Variants in MYOM2 observed in about 807,000 individuals in gnomAD.
The protein encoded by MYOM2 is myomesin-2.
Under a neutral mutation model 187.6 loss-of-function variants are expected in MYOM2, and 254 were observed. The observed-to-expected ratio is 1.35, with a 90% confidence interval of 1.22 to 1.50. MYOM2 has a LOEUF of 1.50. MYOM2 is among the 40% of genes most tolerant of loss of function. The pLI is 0.00. For missense variants in MYOM2, 2,796 were observed against 1,924.0 expected (o/e 1.45, Z -8.48); for synonymous variants, 981 against 753.8 (o/e 1.30, Z -4.94).
At chr8:2,088,699 T>C (rs13269383) in intron 14 of MYOM2, among the ~76,000 whole-genome samples, 130,148 of 152,250 alleles carry the variant, frequency 0.85, 55,762 homozygotes, top group South Asian at 0.92. Context: ...TGTCTTTACT[T>C]TTGAGAACAG....
chr8:2,046,651 C>A (rs931916917), intron 1 of MYOM2, among the ~76,000 whole-genome samples: 3 of 152,166 alleles, frequency 2.0e-5, no homozygotes, highest in African/African-American at 7.2e-5. Context: ...CAGGTCCCCA[C>A]TGGAGTCTCA....
chr8:2,143,875 C>A (rs1798364668), intron 36 of MYOM2, among the ~76,000 whole-genome samples: 1 of 152,046 alleles, frequency 6.6e-6, no homozygotes, highest in African/African-American at 2.4e-5. Flanking sequence ...ACAGCTTTTA[C>A]AACACGAAGG....
intron 1 of MYOM2, among the ~76,000 whole-genome samples, chr8:2,050,457 C>G (rs532108711): frequency 6.6e-6 from 1 of 152,274 alleles, no homozygotes; most frequent in African/African-American, 2.4e-5. Flanking sequence ...TGAACTTTGC[C>G]CTGAACACAC....
chr8:2,059,323 T>TA, intron 6 of MYOM2, 78 bp downstream of exon 6: 1 of 1,311,324 alleles, frequency 7.6e-7, no homozygotes, highest in Non-Finnish European at 1.1e-6. Context: ...GTCAGATGGG[T>TA]AACTGGAGGC....
chr8:2,101,498 G>T (rs1463549856), intron 20 of MYOM2, among the ~76,000 whole-genome samples: 1 of 152,256 alleles, frequency 6.6e-6, no homozygotes, highest in East Asian at 1.9e-4. Context: ...CTGTTCAGAT[G>T]ACCGGGGCGT....
At chr8:2,081,926 G>C (rs1400783019) in intron 13 of MYOM2, 2 of 152,396 alleles carry the variant, frequency 1.3e-5, no homozygotes, top group East Asian at 1.9e-4. Context: ...CAGCAAGGCA[G>C]GTTTCTGGCT....
chr8:2,128,721 C>T lies in MYOM2; in HGVS notation c.3695-406C>T, dbSNP rs59459251. On this transcript the variant is annotated intron_variant, in intron 31 of 36. Coordinates refer to ENST00000262113, the MANE Select transcript of MYOM2 (RefSeq NM_003970.4). ...GTGCTCCCATCTGCTTGACTCCCAC[C>T]TGAAAGAGTCCTGCTAAATCTTAAC... 9.5e-3 allele frequency among the ~76,000 whole-genome samples: 1,440 copies of T among 152,306 alleles called. 24 individuals are homozygous for T. Among genetic ancestry groups the T allele is most frequent in the African/African-American group, 0.033 (1,369 of 41,558 alleles).
intron 1 of MYOM2, among the ~76,000 whole-genome samples, chr8:2,049,039 C>T (rs1169305688): frequency 6.6e-6 from 1 of 152,110 alleles, no homozygotes; most frequent in Non-Finnish European, 1.5e-5. Context: ...GATCCACCCG[C>T]CTTGGCCTCC....
At chr8:2,102,809 C>T in intron 21 of MYOM2, 28 bp downstream of exon 21, 1 of 1,550,524 alleles carries the variant, frequency 6.4e-7, no homozygotes, top group Non-Finnish European at 8.9e-7. Context: ...AACTACAAAA[C>T]AGCAATGATT....
intron 28 of MYOM2, among the ~76,000 whole-genome samples, chr8:2,120,224 A>C (rs1007186205): frequency 6.6e-6 from 1 of 152,090 alleles, no homozygotes; most frequent in African/African-American, 2.4e-5. Context: ...AGTTGCAAGA[A>C]GGGAAGATGG....
rs530334624 is a variant in MYOM2 at position 2,073,220 on chromosome 8, T to C, written c.959-119T>C. On this transcript the variant is annotated intron_variant, in intron 9 of 36. Coordinates refer to ENST00000262113, the MANE Select transcript of MYOM2 (RefSeq NM_003970.4). ...ATTTTACCAGGCTGAGGCTCTGCCT[T>C]CCGTGGTGTCCAGCTCGACTGTCCT... 1,210 of 1,115,476 alleles carry C rather than the reference T, an allele frequency of 1.1e-3. 4 individuals carry two copies. Among genetic ancestry groups the C allele is most frequent in the Middle Eastern group, 2.1e-3 (9 of 4,190 alleles). 69.1% of individuals were successfully genotyped at this position (1,115,476 alleles called of 1,614,324 possible).
At chr8:2,071,127 C>A (rs907472643) in intron 8 of MYOM2, among the ~76,000 whole-genome samples, 2 of 151,974 alleles carry the variant, frequency 1.3e-5, no homozygotes, top group Admixed American at 6.6e-5. Flanking sequence ...GTCACCAAAC[C>A]CGGCTCGTTT....
At chr8:2,086,393 T>A (rs1408663561) in intron 14 of MYOM2, among the ~76,000 whole-genome samples, 801 of 34,408 alleles carry the variant, frequency 0.023, 337 homozygotes, top group African/African-American at 0.074. Context: ...GGCCTCCCAC[T>A]GTTGTGATCT....
Position 2,108,820 on chromosome 8 carries a change from A to G in MYOM2, c.3033A>G (p.Ile1011Met), listed in dbSNP as rs1796976390. 6.2e-7 allele frequency: 1 copy of G among 1,613,970 alleles called. No individual in the cohort carries two copies. Among genetic ancestry groups the G allele is most frequent in the South Asian group, 1.1e-5 (1 of 91,020 alleles). Residue 1011 changes from isoleucine (I) to methionine (M), a missense_variant, in exon 24 of 37, where the codon ATA becomes ATG. Physicochemically the swap from Ile to Met is conservative, Grantham distance 10. Coordinates refer to ENST00000262113, the MANE Select transcript of MYOM2 (RefSeq NM_003970.4). ...LERLMALSNE[I>M]KNPTIPLKSE... is the part of the protein sequence containing the mutation. ...GTTTGATGGCATTGAGCAATGAAAT[A>G]AAGAACCCCAGTAAGTAAGCCTCCA...
chr8:2,104,948 T>A (rs1796842553), intron 21 of MYOM2, among the ~76,000 whole-genome samples: 1 of 152,206 alleles, frequency 6.6e-6, no homozygotes, highest in Non-Finnish European at 1.5e-5. Context: ...ATTTTTATTA[T>A]TCTGTTTTTT....
intron 10 of MYOM2, among the ~76,000 whole-genome samples, chr8:2,073,990 G>A (rs1013830426): frequency 6.6e-5 from 10 of 152,120 alleles, no homozygotes; most frequent in African/African-American, 1.4e-4. Context: ...AGTGAAACTC[G>A]TGCTTAAGAC....
At chr8:2,113,961 G>T (rs1797152315) in intron 25 of MYOM2, among the ~76,000 whole-genome samples, 1 of 152,242 alleles carries the variant, frequency 6.6e-6, no homozygotes, top group Admixed American at 6.5e-5. Flanking sequence ...TGGCGAGACA[G>T]ACAGACGGCA....
chr8:2,108,813 A>G lies in MYOM2; in HGVS notation c.3026A>G (p.Asn1009Ser). Reference sequence around the variant, plus strand: ...CTCGAGCGTTTGATGGCATTGAGCAATGAAATAAAGAACCCCAGTAAGTAA... The same window carrying G: ...CTCGAGCGTTTGATGGCATTGAGCAGTGAAATAAAGAACCCCAGTAAGTAA... ...EELERLMALS[N>S]EIKNPTIPLK... is the part of the protein sequence containing the mutation. The change falls in exon 24 of 37, where the codon AAT becomes AGT. Residue 1009 changes from asparagine to serine, a missense_variant. Coordinates refer to ENST00000262113, the MANE Select transcript of MYOM2 (RefSeq NM_003970.4). 1 of 1,613,928 alleles carries G rather than the reference A, an allele frequency of 6.2e-7. No homozygotes were observed.
At chr8:2,062,942 G>A (rs1818898862) in intron 6 of MYOM2, among the ~76,000 whole-genome samples, 1 of 152,208 alleles carries the variant, frequency 6.6e-6, no homozygotes, top group African/African-American at 2.4e-5. Context: ...GCTTCGAACG[G>A]AATGGACTAA....
Sources: allele counts gnomAD v4.1 joint callset (sites outside exome capture counted in the v4.1 genomes callset), GRCh38; gene constraint gnomAD v4.1.1; transcripts MANE v1.5; gene names NCBI Gene and HGNC (gene_info 2026-07-23, HGNC 2026-07-21).